Variants in C8A observed in about 807,000 individuals in gnomAD.
The protein encoded by C8A is complement C8 alpha chain.
C8A carries 67 observed loss-of-function variants against 65.3 expected under a neutral mutation model. The observed-to-expected ratio is 1.03, with a 90% CI of 0.84 to 1.26. The LOEUF (loss-of-function observed/expected upper bound fraction) is 1.26. Among genes scored for constraint, C8A ranks in the 50% most tolerant of loss-of-function variants. The pLI is 0.00. For synonymous variants in C8A, 290 were observed against 259.4 expected (o/e 1.12, Z -1.13); for missense variants, 781 against 723.9 (o/e 1.08, Z -0.90).
At chr1:56,904,034 T>A (rs1644445674) in intron 7 of C8A, among the ~76,000 whole-genome samples, 1 of 152,190 alleles carries the variant, frequency 6.6e-6, no homozygotes, top group South Asian at 2.1e-4. Context: ...TCTAGTTCCA[T>A]GAATATAGTC....
chr1:56,895,468 G>A (rs1644381114), intron 7 of C8A, among the ~76,000 whole-genome samples: 1 of 152,166 alleles, frequency 6.6e-6, no homozygotes, highest in Non-Finnish European at 1.5e-5. Flanking sequence ...AACCTGTAAT[G>A]TTAAGCAAGG....
intron 4 of C8A, among the ~76,000 whole-genome samples, chr1:56,878,798 G>A (rs549785985): frequency 1.3e-5 from 2 of 152,180 alleles, no homozygotes; most frequent in Non-Finnish European, 2.9e-5. Context: ...GTTTGGTGGA[G>A]ATACTTCCAG....
At chr1:56,883,787 C>A in intron 6 of C8A, 106 bp downstream of exon 6, 2 of 995,186 alleles carry the variant, frequency 2.0e-6, no homozygotes, top group Non-Finnish European at 3.0e-6. Flanking sequence ...CCTTAATTTG[C>A]TTGTGTAATT....
intron 9 of C8A, among the ~76,000 whole-genome samples, chr1:56,908,936 T>C (rs563942555): frequency 8.6e-4 from 131 of 152,344 alleles, no homozygotes; most frequent in African/African-American, 3.0e-3. Context: ...GGAGATGTTT[T>C]TGATATTTTT....
chr1:56,856,940 T>C (rs1295846099), intron 1 of C8A, among the ~76,000 whole-genome samples: 1 of 152,136 alleles, frequency 6.6e-6, no homozygotes, highest in Non-Finnish European at 1.5e-5. Flanking sequence ...TGGGTCTCTA[T>C]TACATATTTT....
chr1:56,892,820 T>G (rs538463189), intron 7 of C8A, among the ~76,000 whole-genome samples: 1 of 152,162 alleles, frequency 6.6e-6, no homozygotes, highest in African/African-American at 2.4e-5. Flanking sequence ...AAATGCAACA[T>G]GAAGTAGAAT....
chr1:56,855,075 T>C (rs1570306879), intron 1 of C8A, 97 bp downstream of exon 1: 1 of 929,884 alleles, frequency 1.1e-6, no homozygotes, highest in Non-Finnish European at 1.7e-6. Flanking sequence ...TGTGTTAGAA[T>C]GGAAAATAAC....
In C8A at chr1:56,912,619, A is replaced by G; in HGVS notation, c.1597A>G (p.Thr533Ala). 2 of 1,613,954 alleles carry G rather than the reference A, an allele frequency of 1.2e-6. No individual in the cohort carries two copies. The highest frequency in any genetic ancestry group is 1.1e-5 in the South Asian group (1 of 91,074). Reference sequence around the variant, plus strand: ...GGGTGCTGCCTGTGAGCAAACACAGACAGAAGGTAAGGTCCGTGCATCCCC... The same window carrying G: ...GGGTGCTGCCTGTGAGCAAACACAGGCAGAAGGTAAGGTCCGTGCATCCCC... ...SLGAACEQTQ[T>A]EGAKADGSWS... The change falls in exon 10 of 11, where the codon ACA (threonine) becomes GCA (alanine). Residue 533 changes from threonine to alanine, a missense_variant. Coordinates refer to ENST00000361249, the MANE Select transcript of C8A (RefSeq NM_000562.3).
intron 1 of C8A, among the ~76,000 whole-genome samples, chr1:56,863,168 T>A (rs1381901637): frequency 1.3e-5 from 2 of 152,102 alleles, no homozygotes; most frequent in Admixed American, 1.3e-4. Flanking sequence ...GACAGTAAAA[T>A]TTGGGGCAAT....
chr1:56,860,076 T>G (rs1180243225), intron 1 of C8A, among the ~76,000 whole-genome samples: 1 of 152,138 alleles, frequency 6.6e-6, no homozygotes, highest in Non-Finnish European at 1.5e-5. Context: ...AGAAAAAATT[T>G]TTTTTTACAT....
At chr1:56,859,731 T>C (rs1644012005) in intron 1 of C8A, among the ~76,000 whole-genome samples, 1 of 151,040 alleles carries the variant, frequency 6.6e-6, no homozygotes, top group Admixed American at 6.6e-5. Flanking sequence ...ATTTACAGTG[T>C]AGCGATGGAG....
At chr1:56,855,738 A>G (rs951935552) in intron 1 of C8A, among the ~76,000 whole-genome samples, 2 of 151,966 alleles carry the variant, frequency 1.3e-5, no homozygotes, top group Non-Finnish European at 2.9e-5. Flanking sequence ...TCTCCCAAAC[A>G]TTAAAGATTT....
intron 1 of C8A, among the ~76,000 whole-genome samples, chr1:56,860,156 G>C (rs1411608806): frequency 6.6e-6 from 1 of 152,168 alleles, no homozygotes; most frequent in Non-Finnish European, 1.5e-5. Flanking sequence ...CTAAAGACAG[G>C]CTGATTGAGG....
At chr1:56,888,053 G>T (rs137981093) in intron 7 of C8A, among the ~76,000 whole-genome samples, 1 of 152,268 alleles carries the variant, frequency 6.6e-6, no homozygotes. Flanking sequence ...GATGGATGCA[G>T]CAAACCACCA....
In C8A at chr1:56,907,492, C is replaced by T. The variant is rs531532503; in HGVS notation, c.1223-464C>T. Among the ~76,000 whole-genome samples, 102 of 152,332 alleles carry T rather than the reference C, an allele frequency of 6.7e-4. 1 individual carries two copies. Among genetic ancestry groups the T allele is most frequent in the African/African-American group, 2.2e-3 (90 of 41,590 alleles). ...TATTCACTAACCTTTGTAGACAACT[C>T]ACCTTTCTTTCTGACTGCCTCCCAC... On this transcript the variant is annotated intron_variant, in intron 8 of 10. Coordinates refer to ENST00000361249, the MANE Select transcript of C8A (RefSeq NM_000562.3).
At chr1:56,897,669 T>C (rs1644396479) in intron 7 of C8A, among the ~76,000 whole-genome samples, 1 of 152,192 alleles carries the variant, frequency 6.6e-6, no homozygotes, top group Admixed American at 6.5e-5. Context: ...ATCACATTTA[T>C]ATATCATGGC....
chr1:56,889,927 G>T (rs934780412), intron 7 of C8A, among the ~76,000 whole-genome samples: 1 of 152,160 alleles, frequency 6.6e-6, no homozygotes, highest in Non-Finnish European at 1.5e-5. Flanking sequence ...CTCAAGGGCT[G>T]TGACTGACAG....
rs1644517770 is a variant in C8A, at chr1:56,912,552, C to T, written c.1530C>T (p.Leu510=). 1.2e-6 allele frequency: 2 copies of T among 1,614,160 alleles called. No homozygotes were observed. Among genetic ancestry groups the T allele is most frequent in the Non-Finnish European group, 1.7e-6 (2 of 1,180,012 alleles). The part of the protein sequence containing the change: ...GPCFNNGVPI[L]EGTSCRCQCR... ...GCTTCAACAATGGGGTGCCCATCCT[C>T]GAGGGCACCAGCTGCAGGTGCCAGT... is the stretch of plus-strand genomic sequence containing the variant. The change falls in exon 10 of 11, where the codon CTC becomes CTT. Residue 510 remains leucine (L), a synonymous_variant. Coordinates refer to ENST00000361249, the MANE Select transcript of C8A (RefSeq NM_000562.3).
chr1:56,875,052 G>A lies in C8A; in HGVS notation c.275G>A (p.Arg92Lys). 1.9e-6 allele frequency: 3 copies of A among 1,613,766 alleles called. No individual in the cohort carries two copies. The highest frequency in any genetic ancestry group is 2.5e-6 in the Non-Finnish European group (3 of 1,179,818). The change falls in exon 3 of 11, where the codon AGG (arginine) becomes AAG (lysine). Residue 92 changes from arginine to lysine, a missense_variant. By Grantham distance (26) the Arg-to-Lys change is conservative (BLOSUM62 2). Transcript: ENST00000361249. ...TGCTCCAGTTCTACAACTTGTGTAA[G>A]GCAAGCACAGTGTGGACAGGATTTC... ...ASCSSSTTCV[R>K]QAQCGQDFQC...
Sources: allele counts gnomAD v4.1 joint callset (sites outside exome capture counted in the v4.1 genomes callset), GRCh38; gene constraint gnomAD v4.1.1; transcripts MANE v1.5; gene names NCBI Gene and HGNC (gene_info 2026-07-23, HGNC 2026-07-21).